METTL9: variants seen among roughly 807,000 people sequenced by gnomAD.
METTL9 encodes the protein methyltransferase 9, His-X-His N1(pi)-histidine.
A neutral mutation model predicts 36.0 loss-of-function variants in METTL9; 10 were observed. The observed-to-expected ratio is 0.28, with a 90% CI of 0.17 to 0.47. The LOEUF (loss-of-function observed/expected upper bound fraction) is 0.47, where lower values mean the gene tolerates loss of function less well. Among genes scored for constraint, METTL9 ranks in the 20% least tolerant of loss-of-function variants. The pLI is 0.99. For missense variants in METTL9, 246 were observed against 383.5 expected, an observed-to-expected ratio of 0.64 and a Z score of 3.00; for synonymous variants, 175 against 149.7, an observed-to-expected ratio of 1.17 and a Z score of -1.23.
Position 21,656,735 on chromosome 16 carries a change from A to G in METTL9, c.*1303A>G, listed in dbSNP as rs756057668. On this transcript the variant is annotated 3_prime_UTR_variant, in exon 5 of 5. Transcript: ENST00000358154. ...TATGCTCATAGAAGTCATCAGATCAACACATTCACTCCAACACCTGGGTAT... is the reference window on the plus strand; with the variant it reads ...TATGCTCATAGAAGTCATCAGATCAGCACATTCACTCCAACACCTGGGTAT... The G allele has an allele frequency of 3.9e-5, 6 of 152,202 alleles. No homozygotes were observed. The highest frequency in any genetic ancestry group is 2.0e-4 in the Admixed American group (3 of 15,284). 9.4% of individuals were successfully genotyped at this position (152,202 alleles called of 1,614,324 possible). A position where few individuals can be genotyped will look rare whatever the true frequency, so the allele number is the denominator to read the frequency against.
chr16:21,630,499 C>A (rs898531654), intron 4 of METTL9, among the ~76,000 whole-genome samples: 7 of 152,232 alleles, frequency 4.6e-5, no homozygotes, highest in Admixed American at 2.0e-4. Flanking sequence ...AGCACGTTGT[C>A]ACCTCTCAAT....
chr16:21,608,673 A>T (rs141450736), intron 1 of METTL9, among the ~76,000 whole-genome samples: 1 of 152,230 alleles, frequency 6.6e-6, no homozygotes, highest in African/African-American at 2.4e-5. Flanking sequence ...CTGTAACCTG[A>T]TGGATAGGCA....
intron 1 of METTL9, among the ~76,000 whole-genome samples, chr16:21,609,812 C>CCTAAG (rs1965384668): frequency 6.6e-6 from 1 of 152,024 alleles, no homozygotes; most frequent in Non-Finnish European, 1.5e-5. Context: ...TGGATGTTAT[C>CCTAAG]CTAAGATTCC....
At position 21,599,912 on chromosome 16, in the gene METTL9, C is replaced by A; in HGVS notation, c.165+14C>A. The A allele has an allele frequency of 7.3e-7, 1 of 1,368,046 alleles. No homozygotes were observed. Among genetic ancestry groups the A allele is most frequent in the Admixed American group, 3.5e-5 (1 of 28,824 alleles). The allele number at this position is 1,368,046 out of a possible 1,614,324, so 84.7% of individuals were successfully genotyped here. A position where few individuals can be genotyped will look rare whatever the true frequency, so the allele number is the denominator to read the frequency against. ...GAGAACCACCAGGTACGGGCTGGGG[C>A]CGGGGCCGGGGCGGGGGCGTGGCGG... On this transcript the variant is annotated intron_variant, in intron 1 of 4. Coordinates refer to ENST00000358154, the MANE Select transcript of METTL9 (RefSeq NM_016025.5). This position sits in a 1 kb window ranked among gnomAD's most constrained non-coding sequence, Gnocchi z 4.4.
At chr16:21,604,302 G>C (rs1478811609) in intron 1 of METTL9, among the ~76,000 whole-genome samples, 3 of 152,166 alleles carry the variant, frequency 2.0e-5, no homozygotes, top group African/African-American at 7.2e-5. Context: ...TCTTGTGCTG[G>C]ATATACCAGG....
chr16:21,630,259 G>A (rs1383790727), intron 4 of METTL9, among the ~76,000 whole-genome samples: 1 of 152,244 alleles, frequency 6.6e-6, no homozygotes, highest in Non-Finnish European at 1.5e-5. Context: ...GGCGCTGGCT[G>A]GTGGCGCCAA....
chr16:21,644,226 A>G lies in METTL9; in HGVS notation c.752-11001A>G, dbSNP rs1966358357. ...GCCCATAACTTGTGGAGAGATAGAA[A>G]TTATTTTTCTTTTGATAATATTCAA... On this transcript the variant is annotated intron_variant, in intron 4 of 4. Transcript: ENST00000358154. 5.1e-6 allele frequency: 6 copies of G among 1,179,654 alleles called. No individual in the cohort carries two copies. In the South Asian group the frequency reaches 7.4e-5, roughly 15 times the overall value. 73.1% of individuals were successfully genotyped at this position (1,179,654 alleles called of 1,614,324 possible).
At chr16:21,644,145 A>G in intron 4 of METTL9, 1 of 603,216 alleles carries the variant, frequency 1.7e-6, no homozygotes, top group East Asian at 2.8e-5. Flanking sequence ...CCTCTTCTGC[A>G]GGTGGTGTTC....
rs1317861577 is a variant in METTL9 at position 21,599,588 on chromosome 16, C to G, written c.-146C>G. On this transcript the variant is annotated 5_prime_UTR_variant, in exon 1 of 5. Transcript: ENST00000358154. This position sits in a 1 kb window ranked among gnomAD's most constrained non-coding sequence, Gnocchi z 4.4. The stretch of plus-strand genomic sequence containing the variant: ...CGCGCCGGCTGCTCCTCCCCACCCC[C>G]AGCCTTTGCCCTGAAGGGGGCTGGA... 3.8e-6 allele frequency: 5 copies of G among 1,303,696 alleles called. No homozygotes were observed. The highest frequency in any genetic ancestry group is 3.1e-5 in the African/African-American group (2 of 63,980). The allele number at this position is 1,303,696 out of a possible 1,614,324, so 80.8% of individuals were successfully genotyped here. A position where few individuals can be genotyped will look rare whatever the true frequency, so the allele number is the denominator to read the frequency against.
intron 4 of METTL9, among the ~76,000 whole-genome samples, chr16:21,644,004 A>G (rs1431232002): frequency 6.6e-6 from 1 of 152,156 alleles, no homozygotes; most frequent in African/African-American, 2.4e-5. Flanking sequence ...TCACCCCTAC[A>G]GCAGAAAGAT....
At chr16:21,630,251 C>A (rs761473007) in intron 4 of METTL9, among the ~76,000 whole-genome samples, 1 of 152,256 alleles carries the variant, frequency 6.6e-6, no homozygotes, top group African/African-American at 2.4e-5. Context: ...GCCCAGCAGG[C>A]GCTGGCTGGT....
chr16:21,643,921 T>C (rs1308210590), intron 4 of METTL9, among the ~76,000 whole-genome samples: 10 of 152,164 alleles, frequency 6.6e-5, no homozygotes, highest in African/African-American at 1.7e-4. Context: ...CATCAACCCA[T>C]TTTTGTTCTT....
intron 4 of METTL9, chr16:21,643,092 C>G: frequency 3.1e-6 from 5 of 1,604,624 alleles, no homozygotes; most frequent in Non-Finnish European, 4.3e-6. Context: ...GATTTGTTTC[C>G]ACATGTCTCT....
chr16:21,609,308 T>G (rs1250359518), intron 1 of METTL9, among the ~76,000 whole-genome samples: 1 of 152,176 alleles, frequency 6.6e-6, no homozygotes, highest in East Asian at 1.9e-4. Flanking sequence ...GATGAACATT[T>G]ATTGTTTGTC....
rs972773338 is a variant in METTL9 at position 21,599,793 on chromosome 16, G to A, written c.60G>A (p.Arg20=). Residue 20 remains arginine, a synonymous_variant, in exon 1 of 5, where the codon AGG becomes AGA. Coordinates refer to ENST00000358154, the MANE Select transcript of METTL9 (RefSeq NM_016025.5). The surrounding 1 kb of genome is among the most constrained non-coding windows in gnomAD (Gnocchi z 4.4). ...TGGCGTCCGTGTGGCTGGCGCGGAG[G>A]ATGTGGACGCTGCGGAGCCCGCTCA... ...LSLASVWLAR[R]MWTLRSPLTR... is the part of the protein sequence containing the mutation. 2.6e-5 allele frequency: 41 copies of A among 1,550,160 alleles called. No homozygotes were observed. The highest frequency in any genetic ancestry group is 3.4e-5 in the Non-Finnish European group (39 of 1,154,984).
chr16:21,599,058 A>G (rs974154655), upstream of METTL9, among the ~76,000 whole-genome samples: 1 of 152,134 alleles, frequency 6.6e-6, no homozygotes, highest in Admixed American at 6.5e-5. The surrounding 1 kb of genome is among the most constrained non-coding windows in gnomAD (Gnocchi z 4.4). Flanking sequence ...GCGGGCAACC[A>G]TCACTGGCAC....
chr16:21,635,352 C>T (rs1477725787), intron 4 of METTL9, among the ~76,000 whole-genome samples: 1 of 151,906 alleles, frequency 6.6e-6, no homozygotes, highest in Non-Finnish European at 1.5e-5. Context: ...TTATTTCCTT[C>T]TGGGCAGGGG....
rs958797262 is a variant in METTL9, at chr16:21,655,489, A to G, written c.*57A>G. The G allele has an allele frequency of 7.3e-5, 107 of 1,460,336 alleles. No homozygotes were observed. The highest frequency in any genetic ancestry group is 9.9e-5 in the Non-Finnish European group (105 of 1,057,466). The allele number at this position is 1,460,336 out of a possible 1,614,324, so 90.5% of individuals were successfully genotyped here. On this transcript the variant is annotated 3_prime_UTR_variant, in exon 5 of 5. Coordinates refer to ENST00000358154, the MANE Select transcript of METTL9 (RefSeq NM_016025.5). ...ACCCTCCGGGATGTGCCCTTGGAAGAGGGTCTGTGTTCACAATTACGTGAA... is the reference window on the plus strand; with the variant it reads ...ACCCTCCGGGATGTGCCCTTGGAAGGGGGTCTGTGTTCACAATTACGTGAA...
intron 4 of METTL9, among the ~76,000 whole-genome samples, chr16:21,635,060 C>T (rs995040071): frequency 1.3e-5 from 2 of 152,102 alleles, no homozygotes; most frequent in Non-Finnish European, 1.5e-5. Context: ...TCTCGGGCTG[C>T]AGCTAAAGCC....
Sources: gnomAD v4.1 joint callset for allele counts (sites outside exome capture counted in the v4.1 genomes callset) on GRCh38, gnomAD v4.1.1 for gene constraint, Gnocchi (gnomAD v3.1) non-coding constraint, MANE v1.5 for transcripts, NCBI Gene and HGNC (gene_info 2026-07-23, HGNC 2026-07-21) for gene names.